BACH2: variants seen among roughly 807,000 people sequenced by gnomAD.
BACH2 encodes the protein BACH transcriptional regulator 2, also known as transcription regulator protein BACH2.
Under a neutral mutation model 61.8 loss-of-function variants are expected in BACH2, and 5 were observed. That is an observed-to-expected ratio of 0.08 (90% CI 0.04 to 0.17). The LOEUF is 0.17. Among genes scored for constraint, BACH2 ranks in the 10% least tolerant of loss-of-function variants. The pLI is 1.00. For missense variants in BACH2, 824 were observed against 1,091.1 expected (o/e 0.76, Z 3.45); for synonymous variants, 446 against 440.1 (o/e 1.01, Z -0.17).
chr6:89,933,264 C>T (rs1162766608), intron 8 of BACH2, among the ~76,000 whole-genome samples: 1 of 152,020 alleles, frequency 6.6e-6, no homozygotes, highest in African/African-American at 2.4e-5. Flanking sequence ...GAAAATCTCC[C>T]CCAAATGTAT....
chr6:89,932,393 G>A lies in BACH2; in HGVS notation c.*15C>T. The A allele has an allele frequency of 6.2e-7, 1 of 1,602,028 alleles. No individual in the cohort carries two copies. Among genetic ancestry groups the A allele is most frequent in the Non-Finnish European group, 8.5e-7 (1 of 1,170,214 alleles). ...GATGGGAGAGGTGTGCGGACTGGGA[G>A]GCAGAGCCGAGTCACTAGGTATAAT... On this transcript the variant is annotated 3_prime_UTR_variant, in exon 9 of 9. Coordinates refer to ENST00000257749, the MANE Select transcript of BACH2 (RefSeq NM_021813.4).
At chr6:90,200,877 T>A (rs536224886) in intron 4 of BACH2, among the ~76,000 whole-genome samples, 1 of 152,266 alleles carries the variant, frequency 6.6e-6, no homozygotes, top group South Asian at 2.1e-4. Flanking sequence ...GAAATGCACA[T>A]TGCTTAAGAA....
intron 5 of BACH2, among the ~76,000 whole-genome samples, chr6:90,060,658 T>C (rs1780638039): frequency 6.6e-6 from 1 of 152,172 alleles, no homozygotes; most frequent in Non-Finnish European, 1.5e-5. Flanking sequence ...AACGCTAGTT[T>C]TGCTGATTTT....
chr6:90,058,582 C>T (rs1261895483), intron 5 of BACH2, among the ~76,000 whole-genome samples: 12 of 152,110 alleles, frequency 7.9e-5, no homozygotes, highest in Non-Finnish European at 1.6e-4. Flanking sequence ...CCATCCCCAT[C>T]AAGCTACCAA....
chr6:90,133,761 A>C (rs1040805378), intron 4 of BACH2, among the ~76,000 whole-genome samples: 85 of 152,106 alleles, frequency 5.6e-4, no homozygotes, highest in Non-Finnish European at 1.0e-3. Context: ...CTCATTGTTC[A>C]ATTCCCACCT....
At chr6:90,095,402 G>C (rs993572222) in intron 4 of BACH2, among the ~76,000 whole-genome samples, 1 of 152,122 alleles carries the variant, frequency 6.6e-6, no homozygotes, top group African/African-American at 2.4e-5. Flanking sequence ...AGTGGGGAGG[G>C]AGATGCAGTT....
chr6:90,243,214 G>C (rs1320740801), intron 3 of BACH2, among the ~76,000 whole-genome samples: 1 of 151,604 alleles, frequency 6.6e-6, no homozygotes, highest in Admixed American at 6.6e-5. Flanking sequence ...GATTTCCACA[G>C]CCTCAAAAAA....
chr6:90,072,844 C>G (rs1781299615), intron 5 of BACH2, among the ~76,000 whole-genome samples: 1 of 152,140 alleles, frequency 6.6e-6, no homozygotes, highest in African/African-American at 2.4e-5. Flanking sequence ...CAAAAGCTGA[C>G]AGAGGGTAAC....
At chr6:90,059,126 G>A (rs1372863899) in intron 5 of BACH2, among the ~76,000 whole-genome samples, 5 of 152,212 alleles carry the variant, frequency 3.3e-5, no homozygotes, top group Non-Finnish European at 7.3e-5. Flanking sequence ...TGACAAATGG[G>A]ATCTAATTAA....
chr6:90,274,722 C>CTTTT (rs1771639678), intron 1 of BACH2, among the ~76,000 whole-genome samples: 1 of 152,234 alleles, frequency 6.6e-6, no homozygotes, highest in Admixed American at 6.5e-5. Flanking sequence ...GGGAAAAAAT[C>CTTTT]TTTAACTCGT....
intron 4 of BACH2, among the ~76,000 whole-genome samples, chr6:90,147,091 T>C (rs1350854236): frequency 6.6e-6 from 1 of 151,976 alleles, no homozygotes; most frequent in Non-Finnish European, 1.5e-5. Flanking sequence ...AAAGAGGAAG[T>C]TGGTTTCTTA....
chr6:90,060,610 T>C (rs1780634925), intron 5 of BACH2, among the ~76,000 whole-genome samples: 1 of 152,166 alleles, frequency 6.6e-6, no homozygotes. Flanking sequence ...ACTTCAAACA[T>C]CTAAAGCCCT....
intron 1 of BACH2, among the ~76,000 whole-genome samples, chr6:90,275,597 C>T (rs1219148595): frequency 6.6e-6 from 1 of 152,076 alleles, no homozygotes; most frequent in Non-Finnish European, 1.5e-5. Context: ...TTTTGTCATC[C>T]AGGTACTAAG....
intron 4 of BACH2, among the ~76,000 whole-genome samples, chr6:90,135,708 C>T (rs899818512): frequency 3.1e-4 from 47 of 152,192 alleles, no homozygotes; most frequent in Admixed American, 2.3e-3. Context: ...AGCAAGACTC[C>T]GTCTAATAAG....
intron 1 of BACH2, among the ~76,000 whole-genome samples, chr6:90,275,895 G>C (rs941170614): frequency 4.0e-5 from 6 of 150,410 alleles, no homozygotes; most frequent in African/African-American, 1.5e-4. Flanking sequence ...TTTGAACCCA[G>C]GAGGCAGAGG....
chr6:90,280,038 A>C (rs1771811355), intron 1 of BACH2, among the ~76,000 whole-genome samples: 1 of 152,202 alleles, frequency 6.6e-6, no homozygotes, highest in South Asian at 2.1e-4. Context: ...AGAATCTAAA[A>C]GATAAAGAGG....
chr6:90,221,453 C>T (rs1769731321), intron 3 of BACH2, among the ~76,000 whole-genome samples: 1 of 152,136 alleles, frequency 6.6e-6, no homozygotes, highest in Admixed American at 6.5e-5. Flanking sequence ...GTGTGTATAG[C>T]AGGATGAAAA....
At chr6:89,938,968 T>G (rs1773206024) in intron 7 of BACH2, among the ~76,000 whole-genome samples, 1 of 152,200 alleles carries the variant, frequency 6.6e-6, no homozygotes, top group Admixed American at 6.5e-5. Flanking sequence ...AATTTCCTCA[T>G]CTGAAAAATA....
At chr6:90,201,560 C>T (rs965421321) in intron 4 of BACH2, among the ~76,000 whole-genome samples, 1 of 152,082 alleles carries the variant, frequency 6.6e-6, no homozygotes, top group African/African-American at 2.4e-5. Flanking sequence ...TTTGTAAGAA[C>T]TCTTAATAAC....
Sources: allele counts gnomAD v4.1 joint callset (sites outside exome capture counted in the v4.1 genomes callset), GRCh38; gene constraint gnomAD v4.1.1; transcripts MANE v1.5; gene names NCBI Gene and HGNC (gene_info 2026-07-23, HGNC 2026-07-21).